CEMIP2: variants seen among roughly 807,000 people sequenced by gnomAD.
CEMIP2 encodes cell migration inducing hyaluronidase 2, also known as cell surface hyaluronidase CEMIP2.
A neutral mutation model predicts 146.9 loss-of-function variants in CEMIP2; 79 were observed. The ratio of observed to expected loss-of-function variants is 0.54; its 90% CI spans 0.45 to 0.65. CEMIP2 has a LOEUF of 0.65. Ranked by LOEUF, CEMIP2 falls within the 30% of genes least tolerant of loss-of-function variation. CEMIP2 has a pLI of 0.00. For missense variants in CEMIP2, 1,596 were observed against 1,696.2 expected, an observed-to-expected ratio of 0.94 and a Z score of 1.04; for synonymous variants, 601 against 606.3, an observed-to-expected ratio of 0.99 and a Z score of 0.13.
At position 71,717,964 on chromosome 9, in the gene CEMIP2, T is replaced by A; in HGVS notation, c.2383A>T (p.Ile795Phe). Residue 795 changes from isoleucine to phenylalanine, a missense_variant, in exon 13 of 24, where the codon ATC (isoleucine) becomes TTC (phenylalanine). Ile to Phe is a conservative substitution (Grantham distance 21, BLOSUM62 0). Transcript: ENST00000377044. The part of the protein sequence containing the change: ...NGAWVRGGDI[I>F]VQNSAFADNG... The stretch of plus-strand genomic sequence containing the variant: ...AATACCCACGCTGAATTTTGAACGA[T>A]AATATCTCCTCCTCTGACCCAAGCT... The A allele has an allele frequency of 6.2e-7, 1 of 1,608,632 alleles. No homozygotes were observed. The highest frequency in any genetic ancestry group is 8.5e-7 in the Non-Finnish European group (1 of 1,177,496).
In CEMIP2 at chr9:71,700,842, A is replaced by T. The variant is rs566841385; in HGVS notation, c.3195-18T>A. 6.3e-7 allele frequency: 1 copy of T among 1,591,610 alleles called. No homozygotes were observed. Among genetic ancestry groups the T allele is most frequent in the African/African-American group, 1.4e-5 (1 of 73,634 alleles). Reference sequence around the variant, plus strand: ...AGTCATTCCTTTAAAGGAGAAACATAAAAAAATTAGTTTACACTTCAGCCA... The same window carrying T: ...AGTCATTCCTTTAAAGGAGAAACATTAAAAAATTAGTTTACACTTCAGCCA... On this transcript the variant is annotated intron_variant, in intron 18 of 23. Transcript: ENST00000377044.
chr9:71,758,654 A>C (rs1824536158), intron 1 of CEMIP2, among the ~76,000 whole-genome samples: 1 of 152,180 alleles, frequency 6.6e-6, no homozygotes, highest in South Asian at 2.1e-4. Context: ...AGACTTAATT[A>C]ATCCTTCCTA....
rs1174230415 is a variant in CEMIP2, at chr9:71,685,354, G to A, written c.3995C>T (p.Pro1332Leu). 1.3e-6 allele frequency: 2 copies of A among 1,561,534 alleles called. No individual in the cohort carries two copies. The highest frequency in any genetic ancestry group is 3.9e-5 in the Admixed American group (2 of 51,630). ...IFLGFSGNFK[P>L]SWTKLFTSPA... ...ACTGGTAAATAGCTTAGTCCATGAT[G>A]GTTTAAAGTTTCCACTGAATCCCAA... is the stretch of plus-strand genomic sequence containing the variant. The change falls in exon 24 of 24, where the codon CCA (proline) becomes CTA (leucine). Residue 1332 changes from proline (P) to leucine (L), a missense_variant. Pro to Leu is a moderately conservative substitution (Grantham distance 98). Transcript: ENST00000377044.
chr9:71,706,116 C>A (rs1822728330), intron 17 of CEMIP2, among the ~76,000 whole-genome samples: 1 of 151,672 alleles, frequency 6.6e-6, no homozygotes, highest in Non-Finnish European at 1.5e-5. Context: ...GTAATCCCAG[C>A]TACTTGGGAG....
intron 12 of CEMIP2, 24 bp downstream of exon 12, chr9:71,722,403 G>T (rs780877552): frequency 6.3e-7 from 1 of 1,587,126 alleles, no homozygotes; most frequent in Non-Finnish European, 8.6e-7. Context: ...TAGCTTGAGT[G>T]TGACTTAAAA....
At chr9:71,703,638 A>G (rs1215684014) in intron 18 of CEMIP2, among the ~76,000 whole-genome samples, 5 of 152,150 alleles carry the variant, frequency 3.3e-5, no homozygotes, top group Admixed American at 2.6e-4. Context: ...GTTAATAGCC[A>G]CATGTATCTA....
At chr9:71,713,738 C>T (rs943746942) in intron 15 of CEMIP2, among the ~76,000 whole-genome samples, 45 of 152,282 alleles carry the variant, frequency 3.0e-4, no homozygotes, top group African/African-American at 1.1e-3. Context: ...AAGAGCACAG[C>T]ACTGAAGACA....
chr9:71,769,105 C>G (rs1180772414), upstream of CEMIP2, among the ~76,000 whole-genome samples: 1 of 151,624 alleles, frequency 6.6e-6, no homozygotes, highest in Non-Finnish European at 1.5e-5. Flanking sequence ...CAGCCAGCGC[C>G]CCCCGCTGCG....
chr9:71,754,953 C>T (rs1331718429), intron 1 of CEMIP2, among the ~76,000 whole-genome samples: 1 of 151,956 alleles, frequency 6.6e-6, no homozygotes, highest in Non-Finnish European at 1.5e-5. Context: ...GTAGCTAGTG[C>T]TTTTGTCTAA....
intron 5 of CEMIP2, among the ~76,000 whole-genome samples, chr9:71,736,132 A>G (rs565840408): frequency 1.2e-4 from 18 of 152,156 alleles, no homozygotes; most frequent in Non-Finnish European, 2.4e-4. Context: ...AAAACCCTTC[A>G]TCTCTGTGCC....
chr9:71,710,348 T>C (rs1215998276), intron 16 of CEMIP2, among the ~76,000 whole-genome samples: 2 of 152,210 alleles, frequency 1.3e-5, no homozygotes, highest in Non-Finnish European at 1.5e-5. Context: ...TGGTGTGTTT[T>C]TAAATCAACA....
At position 71,737,367 on chromosome 9, in the gene CEMIP2, G is replaced by A. The variant is rs1294576513; in HGVS notation, c.1205-2373C>T. On this transcript the variant is annotated intron_variant, in intron 5 of 23. Transcript: ENST00000377044. ...CTCAGGAGGCTGAGGCAGGAGAATC[G>A]CTTGAACCCTAGCCTGGGTGACAGA... Among the ~76,000 whole-genome samples, 15 of 149,100 alleles carry A rather than the reference G, an allele frequency of 1.0e-4. No homozygotes were observed. In the East Asian group the frequency reaches 1.6e-3, roughly 16 times the overall value.
rs1245134161 is a variant in CEMIP2, at chr9:71,745,054, C to T, written c.998G>A (p.Arg333Gln). Reference protein sequence around the residue: ...LQGTIQMIQERLGSELIQGLG... With the variant: ...LQGTIQMIQEQLGSELIQGLG... Reference sequence around the variant, plus strand: ...TCCTTGGATCAGTTCACTTCCCAACCGTTCCTGGATCATCTGGATGGTTCC... The same window carrying T: ...TCCTTGGATCAGTTCACTTCCCAACTGTTCCTGGATCATCTGGATGGTTCC... Residue 333 changes from arginine to glutamine, a missense_variant, in exon 4 of 24, where the codon CGG (arginine) becomes CAG (glutamine). Transcript: ENST00000377044. 3.7e-6 allele frequency: 6 copies of T among 1,614,090 alleles called. No individual in the cohort carries two copies. The highest frequency in any genetic ancestry group is 4.2e-6 in the Non-Finnish European group (5 of 1,179,982).
chr9:71,747,645 T>C (rs1241488420), intron 2 of CEMIP2, among the ~76,000 whole-genome samples: 1 of 152,170 alleles, frequency 6.6e-6, no homozygotes, highest in Non-Finnish European at 1.5e-5. Flanking sequence ...AGGTGGCAGG[T>C]ACATGTTTAG....
chr9:71,741,499 G>A (rs1413157069), intron 4 of CEMIP2, among the ~76,000 whole-genome samples: 1 of 151,416 alleles, frequency 6.6e-6, no homozygotes, highest in Non-Finnish European at 1.5e-5. Flanking sequence ...AGCCAGCAGA[G>A]ATTTCTTAAC....
chr9:71,759,092 A>G (rs1159142388), intron 1 of CEMIP2, among the ~76,000 whole-genome samples: 30 of 152,186 alleles, frequency 2.0e-4, no homozygotes, highest in Admixed American at 2.0e-3. Flanking sequence ...AGGGAAATGC[A>G]CCAACTCTTA....
intron 1 of CEMIP2, 90 bp from the exon 2 acceptor site, chr9:71,750,475 C>A (rs1192787805): frequency 2.0e-6 from 2 of 1,012,872 alleles, no homozygotes; most frequent in Admixed American, 6.3e-5. Flanking sequence ...GAGTTTCACT[C>A]TTGTTGCCCA....
At chr9:71,734,724 G>T in intron 6 of CEMIP2, 82 bp downstream of exon 6, 1 of 1,312,886 alleles carries the variant, frequency 7.6e-7, no homozygotes, top group Non-Finnish European at 1.0e-6. Flanking sequence ...TGATGGTAGT[G>T]ACTGAGAGGA....
chr9:71,764,775 A>T (rs35208948), intron 1 of CEMIP2, among the ~76,000 whole-genome samples: 37,048 of 152,046 alleles, frequency 0.24, 4,740 homozygotes, highest in South Asian at 0.34. Flanking sequence ...GAGTATTGCT[A>T]ACAGATTCGC....
Sources: allele counts gnomAD v4.1 joint callset (sites outside exome capture counted in the v4.1 genomes callset), GRCh38; gene constraint gnomAD v4.1.1; transcripts MANE v1.5; gene names NCBI Gene and HGNC (gene_info 2026-07-23, HGNC 2026-07-21).